SENP5: variants seen among roughly 807,000 people sequenced by gnomAD.
The protein encoded by SENP5 is sentrin-specific protease 5.
A neutral mutation model predicts 74.2 loss-of-function variants in SENP5; 21 were observed. The observed-to-expected ratio is 0.28, with a 90% confidence interval of 0.20 to 0.41. The LOEUF is 0.41. SENP5 is among the 10% of genes least tolerant of loss of function. The probability of loss-of-function intolerance (pLI) is 1.00; values close to 1 mark genes in which losing one functional copy is unlikely to be tolerated. For missense variants in SENP5, 717 were observed against 889.1 expected (o/e 0.81, Z 2.46); for synonymous variants, 311 against 312.7 (o/e 0.99, Z 0.06).
chr3:196,911,095 A>C (rs1388072168), intron 6 of SENP5, among the ~76,000 whole-genome samples: 1 of 152,248 alleles, frequency 6.6e-6, no homozygotes, highest in Non-Finnish European at 1.5e-5. Context: ...CTTAATTGTA[A>C]AACACAAAAT....
intron 1 of SENP5, among the ~76,000 whole-genome samples, chr3:196,881,207 C>T (rs2108812249): frequency 6.6e-6 from 1 of 152,228 alleles, no homozygotes; most frequent in South Asian, 2.1e-4. Context: ...CTCAGCCTCC[C>T]AAAGTGTGAG....
rs141312915 is a variant in SENP5, at chr3:196,918,784, G to A, written c.1885-4630G>A. The stretch of plus-strand genomic sequence containing the variant: ...ACAAGAAACTCACTTCACCTATAAA[G>A]ATATACACAGACTGAAAGGGCTGGA... On this transcript the variant is annotated intron_variant, in intron 6 of 9. Transcript: ENST00000323460. 6.1e-3 allele frequency among the ~76,000 whole-genome samples: 928 copies of A among 152,086 alleles called. 3 individuals carry two copies. Among genetic ancestry groups the A allele is most frequent in the African/African-American group, 0.021 (880 of 41,478 alleles).
At chr3:196,877,792 CACAGTTTGGGAACTGTGATCCTAA>C (rs1455152204) in intron 1 of SENP5, among the ~76,000 whole-genome samples, 1 of 152,150 alleles carries the variant, frequency 6.6e-6, no homozygotes, top group Non-Finnish European at 1.5e-5. Flanking sequence ...TTGCCTTGGG[CACAGTTTGGGAACTGTGATCCTAA>C]ACTTTTGATA....
chr3:196,870,031 A>G (rs928071925), intron 1 of SENP5, among the ~76,000 whole-genome samples: 1 of 152,114 alleles, frequency 6.6e-6, no homozygotes. Flanking sequence ...CCAGCTTCCT[A>G]TGGAGCTCAG....
Position 196,927,891 on chromosome 3 carries a change from A to G in SENP5, c.2106+12A>G, listed in dbSNP as rs1187933424. ...CTGCTGTTACGAAGGTAAGTATGTG[A>G]TAACAATGAAACCCAGGCATGTCCA... On this transcript the variant is annotated intron_variant, in intron 8 of 9. Transcript: ENST00000323460. 1.3e-6 allele frequency: 2 copies of G among 1,564,604 alleles called. No individual in the cohort carries two copies. The highest frequency in any genetic ancestry group is 8.8e-7 in the Non-Finnish European group (1 of 1,134,998).
chr3:196,916,181 G>T (rs1459605877), intron 6 of SENP5, among the ~76,000 whole-genome samples: 2 of 152,024 alleles, frequency 1.3e-5, no homozygotes, highest in Non-Finnish European at 2.9e-5. Context: ...AAAAAAATTA[G>T]CTGGGCGTGG....
Position 196,886,622 on chromosome 3 carries a change from C to G in SENP5, c.1441C>G (p.Gln481Glu). ...GTGCAGTGGACTCAAACTAGAAAAT[C>G]AAGTAGGAGGTGGAAAGAACAGTCA... ...LVCSGLKLEN[Q>E]VGGGKNSQKA... The change falls in exon 2 of 10, where the codon CAA (glutamine) becomes GAA (glutamate). Residue 481 changes from glutamine to glutamate, a missense_variant. Gln to Glu is a conservative substitution (Grantham distance 29). This residue lies in a region of SENP5 where 567 missense variants were observed against 577.4 expected (regional missense o/e 0.98). Transcript: ENST00000323460. The G allele has an allele frequency of 1.2e-6, 2 of 1,610,002 alleles. No individual in the cohort carries two copies. Among genetic ancestry groups the G allele is most frequent in the Non-Finnish European group, 1.7e-6 (2 of 1,178,606 alleles).
At chr3:196,884,500 C>T (rs1328891124) in intron 1 of SENP5, among the ~76,000 whole-genome samples, 1 of 152,126 alleles carries the variant, frequency 6.6e-6, no homozygotes, top group Admixed American at 6.6e-5. Context: ...GGAAGAAAGA[C>T]TATGAAACAG....
chr3:196,876,404 A>G (rs1247933352), intron 1 of SENP5, among the ~76,000 whole-genome samples: 2 of 151,898 alleles, frequency 1.3e-5, no homozygotes, highest in African/African-American at 4.8e-5. Flanking sequence ...GGGCGTCTAT[A>G]GTCCCAGCTA....
chr3:196,885,375 A>G lies in SENP5; in HGVS notation c.194A>G (p.Gln65Arg). The change falls in exon 2 of 10, where the codon CAA becomes CGA. Residue 65 changes from glutamine (Q) to arginine (R), a missense_variant. By Grantham distance (43) the Gln-to-Arg change is conservative. Transcript: ENST00000323460. ...TTCCAGGGTAGAAAGAAAGCTCTTCAAATCCAGAAAACGTGGATCAAGGAT... is the reference window on the plus strand; with the variant it reads ...TTCCAGGGTAGAAAGAAAGCTCTTCGAATCCAGAAAACGTGGATCAAGGAT... Reference protein sequence around the residue: ...RHFQGRKKALQIQKTWIKDEP... With the variant: ...RHFQGRKKALRIQKTWIKDEP... 1 of 1,614,208 alleles carries G rather than the reference A, an allele frequency of 6.2e-7. No individual in the cohort carries two copies. The highest frequency in any genetic ancestry group is 2.2e-5 in the East Asian group (1 of 44,884).
intron 1 of SENP5, among the ~76,000 whole-genome samples, chr3:196,882,431 G>C (rs1713767043): frequency 6.6e-6 from 1 of 151,990 alleles, no homozygotes; most frequent in African/African-American, 2.4e-5. Flanking sequence ...ACTTTATATA[G>C]TTTTTGCTTT....
At chr3:196,882,160 A>C (rs1045333824) in intron 1 of SENP5, among the ~76,000 whole-genome samples, 1 of 151,720 alleles carries the variant, frequency 6.6e-6, no homozygotes, top group Non-Finnish European at 1.5e-5. Context: ...TGGCCTCCCA[A>C]AGTGCTGGGA....
At chr3:196,917,372 T>TAG (rs143330138) in intron 6 of SENP5, among the ~76,000 whole-genome samples, 23 of 147,070 alleles carry the variant, frequency 1.6e-4, no homozygotes, top group Admixed American at 8.2e-4. Context: ...AAAGAGGAGG[T>TAG]AGAGAGAGAG....
intron 5 of SENP5, among the ~76,000 whole-genome samples, chr3:196,901,656 A>G (rs1462019083): frequency 6.6e-6 from 1 of 152,236 alleles, no homozygotes; most frequent in Non-Finnish European, 1.5e-5. Flanking sequence ...AAAATGTTTT[A>G]TGACTTTCCA....
At chr3:196,901,048 A>AC (rs1491485225) in intron 5 of SENP5, among the ~76,000 whole-genome samples, 1 of 85,222 alleles carries the variant, frequency 1.2e-5, no homozygotes, top group Non-Finnish European at 3.0e-5. Flanking sequence ...TATTTATTTT[A>AC]CTTTTTTTTT....
At chr3:196,870,632 C>T (rs1202032535) in intron 1 of SENP5, among the ~76,000 whole-genome samples, 1 of 152,024 alleles carries the variant, frequency 6.6e-6, no homozygotes, top group South Asian at 2.1e-4. Context: ...ATTGTCCTGT[C>T]TCAGCCTCCC....
chr3:196,909,463 A>G (rs1197735979), intron 6 of SENP5, among the ~76,000 whole-genome samples: 2 of 152,218 alleles, frequency 1.3e-5, no homozygotes, highest in Non-Finnish European at 2.9e-5. Flanking sequence ...ACAAAAAAAG[A>G]AAATTTCAGG....
chr3:196,927,398 G>A (rs766657370), intron 7 of SENP5, among the ~76,000 whole-genome samples: 15 of 152,102 alleles, frequency 9.9e-5, no homozygotes, highest in African/African-American at 2.7e-4. Flanking sequence ...AAATGCCAGC[G>A]TCCACAGTCT....
At chr3:196,894,411 C>T (rs1172579618) in intron 2 of SENP5, among the ~76,000 whole-genome samples, 1 of 152,064 alleles carries the variant, frequency 6.6e-6, no homozygotes, top group Non-Finnish European at 1.5e-5. Context: ...ATGTGAGCTA[C>T]TGCCCCCGGC....
Sources: allele counts gnomAD v4.1 joint callset (sites outside exome capture counted in the v4.1 genomes callset), GRCh38; gene constraint gnomAD v4.1.1; regional missense constraint gnomAD v4.1.1; transcripts MANE v1.5; gene names NCBI Gene and HGNC (gene_info 2026-07-23, HGNC 2026-07-21).